SOX5: variants seen among roughly 807,000 people sequenced by gnomAD.
SOX5 encodes the protein transcription factor SOX-5.
SOX5 carries 9 observed loss-of-function variants against 92.0 expected under a neutral mutation model. The ratio of observed to expected loss-of-function variants is 0.10; its 90% CI spans 0.06 to 0.17. SOX5 has a LOEUF of 0.17. Among genes scored for constraint, SOX5 ranks in the 10% least tolerant of loss-of-function variants. The pLI is 1.00. For synonymous variants in SOX5, 344 were observed against 336.3 expected (o/e 1.02, Z -0.25); for missense variants, 642 against 944.5 (o/e 0.68, Z 4.20).
chr12:24,023,762 A>G (rs1592431207), intron 4 of SOX5, among the ~76,000 whole-genome samples: 1 of 152,054 alleles, frequency 6.6e-6, no homozygotes, highest in Admixed American at 6.6e-5. Context: ...TATTTTATTT[A>G]TCTTTTAAAA....
intron 1 of SOX5, among the ~76,000 whole-genome samples, chr12:24,554,648 G>C (rs1232447213): frequency 7.2e-5 from 11 of 152,074 alleles, no homozygotes; most frequent in Non-Finnish European, 1.6e-4. Context: ...AAATATTAGG[G>C]GTCCCAGGAA....
chr12:23,810,813 T>C (rs1478868780), intron 3 of SOX5, among the ~76,000 whole-genome samples: 1 of 152,160 alleles, frequency 6.6e-6, no homozygotes, highest in African/African-American at 2.4e-5. Flanking sequence ...GATCACTACA[T>C]TTCAAAGCTA....
intron 4 of SOX5, among the ~76,000 whole-genome samples, chr12:24,003,833 T>G (rs1258294089): frequency 6.6e-6 from 1 of 151,256 alleles, no homozygotes. Flanking sequence ...GGAGAGAGAA[T>G]GGCAAAATAA....
intron 2 of SOX5, among the ~76,000 whole-genome samples, chr12:23,859,204 A>T (rs1462548900): frequency 2.0e-5 from 3 of 152,208 alleles, no homozygotes; most frequent in African/African-American, 7.2e-5. Context: ...GAATACAGCC[A>T]TATTTTTCAT....
In SOX5 at chr12:24,026,022, T is replaced by C. The variant is rs1209675904; in HGVS notation, c.-1-129998A>G. Among the ~76,000 whole-genome samples the C allele has an allele frequency of 3.3e-5, 5 of 152,116 alleles. No homozygotes were observed. The South Asian group carries it at 6.2e-4, about 19-fold the overall frequency. On this transcript the variant is annotated intron_variant, in intron 4 of 4. Transcript: ENST00000446891. ...TTCTTAGACTCTGAACAACCTAATA[T>C]GGCTCAGCATCTATTTAAATGACCA...
At chr12:24,386,955 T>C (rs1368862306) in intron 1 of SOX5, among the ~76,000 whole-genome samples, 1 of 152,242 alleles carries the variant, frequency 6.6e-6, no homozygotes, top group Admixed American at 6.5e-5. Flanking sequence ...CACATCCATT[T>C]AAGTTGGCAG....
intron 4 of SOX5, among the ~76,000 whole-genome samples, chr12:23,989,103 T>C (rs942863764): frequency 6.6e-6 from 1 of 151,594 alleles, no homozygotes; most frequent in Non-Finnish European, 1.5e-5. Flanking sequence ...GCCACGTGCG[T>C]TGGCTCATGT....
At chr12:24,041,077 T>C (rs754305042) in intron 4 of SOX5, among the ~76,000 whole-genome samples, 1 of 152,180 alleles carries the variant, frequency 6.6e-6, no homozygotes, top group Non-Finnish European at 1.5e-5. Context: ...AAAATACTAT[T>C]ATTTCTTAAA....
At chr12:24,288,249 A>G (rs1946152769) in intron 2 of SOX5, among the ~76,000 whole-genome samples, 1 of 152,202 alleles carries the variant, frequency 6.6e-6, no homozygotes, top group African/African-American at 2.4e-5. Context: ...TGCCCAGGAC[A>G]GCTCCCACAA....
chr12:23,743,234 A>G (rs2141030275), intron 4 of SOX5, among the ~76,000 whole-genome samples: 1 of 152,354 alleles, frequency 6.6e-6, no homozygotes. Flanking sequence ...ATAGGAATAA[A>G]GACTGAAAGC....
chr12:24,296,818 TAAAAA>T (rs34459785), intron 2 of SOX5, among the ~76,000 whole-genome samples: 3 of 137,438 alleles, frequency 2.2e-5, no homozygotes, highest in East Asian at 2.1e-4. Flanking sequence ...ACATTGTTCT[TAAAAA>T]AAAAAAAAAA....
In SOX5 at chr12:24,283,088, G is replaced by A. The variant is rs149785509; in HGVS notation, c.-173-5776C>T. On this transcript the variant is annotated intron_variant, in intron 2 of 4. Transcript: ENST00000446891. ...AGTGCATGTGCACTGAGAACGTGCC[G>A]TAGTCTTAACCACTGGAGAACAGAA... Among the ~76,000 whole-genome samples the A allele has an allele frequency of 7.3e-3, 1,112 of 152,282 alleles. 4 individuals carry two copies. Among genetic ancestry groups the A allele is most frequent in the Non-Finnish European group, 0.012 (821 of 68,038 alleles).
At chr12:24,530,904 G>A (rs1460562226) in intron 1 of SOX5, among the ~76,000 whole-genome samples, 2 of 152,194 alleles carry the variant, frequency 1.3e-5, no homozygotes, top group Non-Finnish European at 2.9e-5. Context: ...TCTGGACACA[G>A]TGATAGCTGA....
rs142230873 is a variant in SOX5, at chr12:23,736,877, G to C, written c.742-2125C>G. Among the ~76,000 whole-genome samples the C allele has an allele frequency of 2.4e-3, 369 of 151,924 alleles. 2 individuals are homozygous for C. Among genetic ancestry groups the C allele is most frequent in the Non-Finnish European group, 4.4e-3 (302 of 67,954 alleles). On this transcript the variant is annotated intron_variant, in intron 5 of 14. Coordinates refer to ENST00000451604, the MANE Select transcript of SOX5 (RefSeq NM_006940.6). Reference sequence around the variant, plus strand: ...GATTAATTTTTTTATATTTTTACTAGAGACACGGTTTCACCATGTTGGCTA... The same window carrying C: ...GATTAATTTTTTTATATTTTTACTACAGACACGGTTTCACCATGTTGGCTA...
chr12:24,489,210 T>C (rs578079883), intron 1 of SOX5, among the ~76,000 whole-genome samples: 9 of 152,224 alleles, frequency 5.9e-5, no homozygotes, highest in Non-Finnish European at 1.3e-4. Flanking sequence ...TTTTCCTAAA[T>C]GACTCTGATG....
chr12:23,822,116 A>G (rs1427892591), intron 3 of SOX5, among the ~76,000 whole-genome samples: 2 of 151,784 alleles, frequency 1.3e-5, no homozygotes, highest in African/African-American at 2.4e-5. Flanking sequence ...TTGTGTCTCT[A>G]TCTCCTTCAG....
At chr12:24,014,358 T>C (rs1025739227) in intron 4 of SOX5, among the ~76,000 whole-genome samples, 4 of 152,168 alleles carry the variant, frequency 2.6e-5, no homozygotes, top group Non-Finnish European at 4.4e-5. Flanking sequence ...ATTATGCTCA[T>C]CAGAGGCTGT....
At chr12:24,518,200 C>G (rs1341580866) in intron 1 of SOX5, among the ~76,000 whole-genome samples, 1 of 151,854 alleles carries the variant, frequency 6.6e-6, no homozygotes, top group Non-Finnish European at 1.5e-5. Context: ...TCCCGAGTAG[C>G]TGGGGTTACA....
chr12:24,280,975 G>A (rs563962510), intron 2 of SOX5, among the ~76,000 whole-genome samples: 1 of 139,046 alleles, frequency 7.2e-6, no homozygotes, highest in South Asian at 2.4e-4. Context: ...AAAGATTAAA[G>A]TGTCAGGGGA....
Sources: gnomAD v4.1 joint callset for allele counts (sites outside exome capture counted in the v4.1 genomes callset) on GRCh38, gnomAD v4.1.1 for gene constraint, MANE v1.5 for transcripts, NCBI Gene and HGNC (gene_info 2026-07-23, HGNC 2026-07-21) for gene names.